Variants in FAM171B observed in about 807,000 individuals in gnomAD.
FAM171B encodes family with sequence similarity 171 member B, also known as protein FAM171B.
A neutral mutation model predicts 75.6 loss-of-function variants in FAM171B; 19 were observed. That is an observed-to-expected ratio of 0.25 (90% CI 0.18 to 0.37). The LOEUF (loss-of-function observed/expected upper bound fraction) is 0.37, where lower values mean the gene tolerates loss of function less well. Ranked by LOEUF, FAM171B falls within the 10% of genes least tolerant of loss-of-function variation. FAM171B has a pLI of 1.00. For synonymous variants in FAM171B, 367 were observed against 361.7 expected, an observed-to-expected ratio of 1.01 and a Z score of -0.17; for missense variants, 848 against 982.4, an observed-to-expected ratio of 0.86 and a Z score of 1.83.
chr2:186,762,110 C>A lies in FAM171B; in HGVS notation c.1768C>A (p.Pro590Thr), dbSNP rs765608692. The A allele has an allele frequency of 6.2e-7, 1 of 1,613,668 alleles. No homozygotes were observed. Among genetic ancestry groups the A allele is most frequent in the South Asian group, 1.1e-5 (1 of 91,072 alleles). The part of the protein sequence containing the change: ...ENFTQTLPKM[P>T]IHSHAQPPDA... Reference sequence around the variant, plus strand: ...CTTTACGCAGACCTTGCCCAAAATGCCAATTCATTCTCATGCACAGCCCCC... The same window carrying A: ...CTTTACGCAGACCTTGCCCAAAATGACAATTCATTCTCATGCACAGCCCCC... Residue 590 changes from proline (P) to threonine (T), a missense_variant, in exon 8 of 8, where the codon CCA (proline) becomes ACA (threonine). This residue lies in a region of FAM171B where 665 missense variants were observed against 729.0 expected (regional missense o/e 0.91). Coordinates refer to ENST00000304698, the MANE Select transcript of FAM171B (RefSeq NM_177454.4). This position sits in a 1 kb window ranked among gnomAD's most constrained non-coding sequence, Gnocchi z 4.0.
chr2:186,764,313 G>A lies in FAM171B; in HGVS notation c.*1490G>A, dbSNP rs1690667493. On this transcript the variant is annotated 3_prime_UTR_variant, in exon 8 of 8. Coordinates refer to ENST00000304698, the MANE Select transcript of FAM171B (RefSeq NM_177454.4). ...AGCTTCAGTAAAATTATAGCTAGAT[G>A]TGCAATTTTTTCCTCCAACTTCTAA... is the stretch of plus-strand genomic sequence containing the variant. 6.6e-6 allele frequency: 1 copy of A among 151,920 alleles called. No homozygotes were observed. 9.4% of individuals were successfully genotyped at this position (151,920 alleles called of 1,614,324 possible).
At chr2:186,747,009 C>A in intron 3 of FAM171B, 83 bp from the exon 4 acceptor site, 1 of 1,016,944 alleles carries the variant, frequency 9.8e-7, no homozygotes, top group Non-Finnish European at 1.4e-6. Flanking sequence ...ATAATTGCTT[C>A]TTTTAAAGTA....
intron 1 of FAM171B, among the ~76,000 whole-genome samples, chr2:186,697,585 G>A (rs1689601159): frequency 1.3e-5 from 2 of 152,026 alleles, no homozygotes; most frequent in Admixed American, 6.6e-5. Context: ...GACCTAGGAG[G>A]ATTTTAACAT....
chr2:186,723,987 C>T (rs1689993718), intron 1 of FAM171B, among the ~76,000 whole-genome samples: 1 of 152,090 alleles, frequency 6.6e-6, no homozygotes, highest in Admixed American at 6.5e-5. Flanking sequence ...ATGTCCATGA[C>T]CTTATAGAGT....
Position 186,765,915 on chromosome 2 carries a change from G to A in FAM171B, c.*3092G>A, listed in dbSNP as rs1327839444. 3 of 152,048 alleles carry A rather than the reference G, an allele frequency of 2.0e-5. No homozygotes were observed. The highest frequency in any genetic ancestry group is 7.2e-5 in the African/African-American group (3 of 41,422). The allele number at this position is 152,048 out of a possible 1,614,324, so 9.4% of individuals were successfully genotyped here. A position where few individuals can be genotyped will look rare whatever the true frequency, so the allele number is the denominator to read the frequency against. Reference sequence around the variant, plus strand: ...GTAACAACCTGAAGATTTGTAAAATGTTAAACATAGTTCATTAAAAATAAT... The same window carrying A: ...GTAACAACCTGAAGATTTGTAAAATATTAAACATAGTTCATTAAAAATAAT... On this transcript the variant is annotated 3_prime_UTR_variant, in exon 8 of 8. Coordinates refer to ENST00000304698, the MANE Select transcript of FAM171B (RefSeq NM_177454.4).
chr2:186,737,612 G>T (rs1437397039), intron 1 of FAM171B, among the ~76,000 whole-genome samples: 41 of 152,174 alleles, frequency 2.7e-4, no homozygotes, highest in Non-Finnish European at 4.4e-5. Context: ...AAAGTGCTGG[G>T]ATTACAGGCA....
chr2:186,694,484 C>G, intron 1 of FAM171B, 73 bp downstream of exon 1: 2 of 1,517,842 alleles, frequency 1.3e-6, no homozygotes, highest in Non-Finnish European at 1.8e-6. Context: ...GGCTTCCTCG[C>G]CCCTTCCCTA....
At chr2:186,739,871 GGTTT>G (rs1299386839) in intron 1 of FAM171B, among the ~76,000 whole-genome samples, 1 of 152,126 alleles carries the variant, frequency 6.6e-6, no homozygotes, top group Admixed American at 6.5e-5. Flanking sequence ...TGGCAGCACA[GGTTT>G]GTTTACACCA....
Position 186,747,152 on chromosome 2 carries a change from A to C in FAM171B, c.626A>C (p.His209Pro). ...GCCTTAATTAAACTTCCTGACAACC[A>C]TCATATTAGCAACGTTACTGGCTAT... ...SKALIKLPDN[H>P]HISNVTGYLT... The change falls in exon 4 of 8, where the codon CAT becomes CCT. Residue 209 changes from histidine to proline, a missense_variant. By Grantham distance (77) the His-to-Pro change is moderately conservative. Coordinates refer to ENST00000304698, the MANE Select transcript of FAM171B (RefSeq NM_177454.4). 1 of 1,608,436 alleles carries C rather than the reference A, an allele frequency of 6.2e-7. No individual in the cohort carries two copies. Among genetic ancestry groups the C allele is most frequent in the Non-Finnish European group, 8.5e-7 (1 of 1,177,876 alleles).
At chr2:186,731,795 C>T (rs1342649478) in intron 1 of FAM171B, among the ~76,000 whole-genome samples, 1 of 152,102 alleles carries the variant, frequency 6.6e-6, no homozygotes, top group East Asian at 1.9e-4. Context: ...CTGGGCTCCA[C>T]CTCTTGTCAG....
intron 3 of FAM171B, among the ~76,000 whole-genome samples, chr2:186,745,617 C>A (rs2105787820): frequency 6.6e-6 from 1 of 152,270 alleles, no homozygotes; most frequent in African/African-American, 2.4e-5. Context: ...AATACATATC[C>A]TTACTGCTGA....
intron 1 of FAM171B, among the ~76,000 whole-genome samples, chr2:186,714,971 T>C (rs943243883): frequency 5.9e-5 from 9 of 152,212 alleles, no homozygotes; most frequent in African/African-American, 2.2e-4. Flanking sequence ...GAGCAAGAAT[T>C]AGAAAAATTT....
In FAM171B at chr2:186,702,605, G is replaced by A. The variant is rs575831579; in HGVS notation, c.238+8194G>A. 5.3e-5 allele frequency among the ~76,000 whole-genome samples: 8 copies of A among 152,230 alleles called. No individual in the cohort carries two copies. The South Asian group carries it at 1.7e-3, about 32-fold the overall frequency. On this transcript the variant is annotated intron_variant, in intron 1 of 7. Transcript: ENST00000304698. ...GTATTTTTACATACTTGTTAATAATGTCTGTGAATATAAGGCCAGTTTATT... is the reference window on the plus strand; with the variant it reads ...GTATTTTTACATACTTGTTAATAATATCTGTGAATATAAGGCCAGTTTATT...
At chr2:186,714,233 GGATT>G (rs1559082917) in intron 1 of FAM171B, among the ~76,000 whole-genome samples, 1 of 151,880 alleles carries the variant, frequency 6.6e-6, no homozygotes, top group East Asian at 1.9e-4. Flanking sequence ...TGGAGGCAGC[GGATT>G]GATTAATATA....
chr2:186,737,505 C>T (rs1183565001), intron 1 of FAM171B, among the ~76,000 whole-genome samples: 3 of 152,122 alleles, frequency 2.0e-5, no homozygotes, highest in Non-Finnish European at 4.4e-5. Flanking sequence ...TGCCAGTACA[C>T]CCAGCTAATT....
intron 1 of FAM171B, among the ~76,000 whole-genome samples, chr2:186,709,476 T>C (rs1689780699): frequency 6.6e-6 from 1 of 152,208 alleles, no homozygotes; most frequent in Non-Finnish European, 1.5e-5. Context: ...ATAAGCCCCA[T>C]TTCTATCAAT....
At chr2:186,742,512 CATT>C (rs1415466258) in intron 2 of FAM171B, among the ~76,000 whole-genome samples, 1 of 152,160 alleles carries the variant, frequency 6.6e-6, no homozygotes, top group Non-Finnish European at 1.5e-5. Context: ...TTCCACCCAT[CATT>C]GTATACTTTT....
chr2:186,704,813 G>A (rs1317802598), intron 1 of FAM171B, among the ~76,000 whole-genome samples: 1 of 152,206 alleles, frequency 6.6e-6, no homozygotes, highest in Non-Finnish European at 1.5e-5. Context: ...GCAAATGTAG[G>A]ATGTAAAGAT....
intron 1 of FAM171B, among the ~76,000 whole-genome samples, chr2:186,722,844 T>G (rs1374316536): frequency 2.6e-5 from 4 of 152,162 alleles, no homozygotes; most frequent in Admixed American, 6.5e-5. Context: ...CCATTTCCCC[T>G]GGCTTGGAGT....
Sources: gnomAD v4.1 joint callset for allele counts (sites outside exome capture counted in the v4.1 genomes callset) on GRCh38, gnomAD v4.1.1 for gene constraint, gnomAD v4.1.1 regional missense constraint, Gnocchi (gnomAD v3.1) non-coding constraint, MANE v1.5 for transcripts, NCBI Gene and HGNC (gene_info 2026-07-23, HGNC 2026-07-21) for gene names.